The following TULP4 variants were observed in gnomAD, a reference collection of about 807,000 sequenced individuals.
TULP4 encodes the protein tubby-related protein 4.
TULP4 carries 16 observed loss-of-function variants against 129.0 expected under a neutral mutation model. That is an observed-to-expected ratio of 0.12 (90% confidence interval 0.08 to 0.19). The LOEUF (loss-of-function observed/expected upper bound fraction) is 0.19. TULP4 is among the 10% of genes least tolerant of loss of function. The pLI, the probability that TULP4 is intolerant of heterozygous loss-of-function variation, is 1.00. For missense variants in TULP4, 1,842 were observed against 2,059.1 expected (o/e 0.89, Z 2.04); for synonymous variants, 998 against 854.0 (o/e 1.17, Z -2.94).
chr6:158,499,046 G>A (rs924174744), intron 12 of TULP4, among the ~76,000 whole-genome samples: 1 of 152,176 alleles, frequency 6.6e-6, no homozygotes, highest in Admixed American at 6.5e-5. Flanking sequence ...CAGTAGCAGC[G>A]GCGCCTTGTG....
At chr6:158,317,264 C>A (rs1219571977) in intron 1 of TULP4, among the ~76,000 whole-genome samples, 1 of 151,930 alleles carries the variant, frequency 6.6e-6, no homozygotes, top group Non-Finnish European at 1.5e-5. Flanking sequence ...TTTGCTGCAC[C>A]CATTAACTCA....
chr6:158,304,390 A>G (rs1410811283), intron 1 of TULP4, among the ~76,000 whole-genome samples: 1 of 152,212 alleles, frequency 6.6e-6, no homozygotes, highest in Non-Finnish European at 1.5e-5. Flanking sequence ...ACTGATATAC[A>G]GGAATGTTCT....
intron 1 of TULP4, among the ~76,000 whole-genome samples, chr6:158,325,647 A>G (rs1779730276): frequency 6.6e-6 from 1 of 152,172 alleles, no homozygotes; most frequent in Non-Finnish European, 1.5e-5. Flanking sequence ...CACCGCGCCC[A>G]GCCGAGGAAC....
intron 1 of TULP4, among the ~76,000 whole-genome samples, chr6:158,233,561 C>G (rs888356871): frequency 6.6e-6 from 1 of 152,162 alleles, no homozygotes; most frequent in African/African-American, 2.4e-5. Context: ...GGCTCCGCAG[C>G]GCCAGATTGC....
chr6:158,460,406 T>G (rs1322678702), intron 5 of TULP4, among the ~76,000 whole-genome samples: 2 of 152,210 alleles, frequency 1.3e-5, no homozygotes, highest in Non-Finnish European at 2.9e-5. Flanking sequence ...AGTTCTAGAT[T>G]TCAGAGATCT....
intron 1 of TULP4, among the ~76,000 whole-genome samples, chr6:158,283,923 C>T (rs990449376): frequency 6.6e-6 from 1 of 152,142 alleles, no homozygotes; most frequent in Non-Finnish European, 1.5e-5. Context: ...CCCATTTAAC[C>T]TCAGGGAATG....
chr6:158,232,961 T>C (rs1176037221), intron 1 of TULP4, among the ~76,000 whole-genome samples: 1 of 152,250 alleles, frequency 6.6e-6, no homozygotes, highest in African/African-American at 2.4e-5. Flanking sequence ...ACGGAGATTC[T>C]GTTCCGAGCA....
intron 12 of TULP4, among the ~76,000 whole-genome samples, chr6:158,499,386 A>G (rs1474688073): frequency 6.6e-6 from 1 of 152,228 alleles, no homozygotes; most frequent in Non-Finnish European, 1.5e-5. Context: ...AAAATCTGGT[A>G]AACAGTTTTT....
intron 3 of TULP4, among the ~76,000 whole-genome samples, chr6:158,434,264 A>G (rs1261350956): frequency 1.3e-5 from 2 of 152,234 alleles, no homozygotes; most frequent in African/African-American, 2.4e-5. Flanking sequence ...AATTCAGTCC[A>G]TAATAGACTG....
At chr6:158,345,778 C>T (rs1780291756) in intron 1 of TULP4, among the ~76,000 whole-genome samples, 1 of 152,158 alleles carries the variant, frequency 6.6e-6, no homozygotes, top group South Asian at 2.1e-4. Context: ...GGTTCAAGAG[C>T]AGAGAAGTGG....
intron 2 of TULP4, among the ~76,000 whole-genome samples, chr6:158,414,291 G>A (rs1250785228): frequency 6.6e-6 from 1 of 152,208 alleles, no homozygotes; most frequent in African/African-American, 2.4e-5. Flanking sequence ...CCTTCTTGAA[G>A]GAGAGCCACA....
At chr6:158,463,055 A>G (rs922194098) in intron 6 of TULP4, among the ~76,000 whole-genome samples, 1 of 152,078 alleles carries the variant, frequency 6.6e-6, no homozygotes, top group South Asian at 2.1e-4. Context: ...CTCCTGGCCT[A>G]CCTACCCTGT....
intron 1 of TULP4, among the ~76,000 whole-genome samples, chr6:158,267,808 T>C (rs1229543483): frequency 6.6e-6 from 1 of 152,114 alleles, no homozygotes; most frequent in Non-Finnish European, 1.5e-5. Context: ...TGGCCAGACA[T>C]TGCCTAAAGC....
intron 5 of TULP4, among the ~76,000 whole-genome samples, chr6:158,452,819 G>A (rs894012976): frequency 2.6e-5 from 4 of 152,198 alleles, no homozygotes; most frequent in African/African-American, 7.2e-5. Context: ...TATTATGAGT[G>A]TTGTTATCTC....
rs1780151074 is a variant in TULP4, at chr6:158,489,615, C to T, written c.1514C>T (p.Ser505Phe). The T allele has an allele frequency of 2.5e-6, 4 of 1,614,180 alleles. No individual in the cohort carries two copies. The East Asian group carries it at 6.7e-5, about 27-fold the overall frequency. ...GAAATCTATGGGAACAGCTTGATTT[C>T]TACTGTGATCGACAGCTGCAACTGC... is the stretch of plus-strand genomic sequence containing the variant. ...PDEIYGNSLI[S>F]TVIDSCNCSD... Residue 505 changes from serine (S) to phenylalanine (F), a missense_variant, in exon 9 of 14, where the codon TCT (serine) becomes TTT (phenylalanine). This residue lies in a region of TULP4 where 456 missense variants were observed against 534.3 expected (regional missense o/e 0.85). Transcript: ENST00000367097.
intron 1 of TULP4, among the ~76,000 whole-genome samples, chr6:158,245,400 A>G (rs774985067): frequency 1.3e-5 from 2 of 151,442 alleles, no homozygotes; most frequent in Non-Finnish European, 2.9e-5. Flanking sequence ...TGATCTTATT[A>G]TTTGGGCATC....
intron 2 of TULP4, among the ~76,000 whole-genome samples, chr6:158,423,013 ACGCCTGT>A (rs893801641): frequency 6.0e-5 from 9 of 151,062 alleles, no homozygotes; most frequent in African/African-American, 2.2e-4. Context: ...TTACAGGCTC[ACGCCTGT>A]AATCCAAGCT....
chr6:158,497,183 T>C (rs1780353691), intron 11 of TULP4, among the ~76,000 whole-genome samples: 1 of 152,236 alleles, frequency 6.6e-6, no homozygotes. Context: ...TTTTGATCCA[T>C]AGAGCTACTT....
intron 1 of TULP4, among the ~76,000 whole-genome samples, chr6:158,342,861 A>G (rs1341570334): frequency 1.3e-5 from 2 of 152,324 alleles, no homozygotes; most frequent in South Asian, 4.1e-4. Context: ...TATATAAAAT[A>G]TCTGGTACAG....
Sources: gnomAD v4.1 joint callset for allele counts (sites outside exome capture counted in the v4.1 genomes callset) on GRCh38, gnomAD v4.1.1 for gene constraint, gnomAD v4.1.1 regional missense constraint, MANE v1.5 for transcripts, NCBI Gene and HGNC (gene_info 2026-07-23, HGNC 2026-07-21) for gene names.